The following FBXO5 variants were observed in gnomAD, a reference collection of about 807,000 sequenced individuals.
FBXO5 encodes F-box only protein 5.
Under a neutral mutation model 43.3 loss-of-function variants are expected in FBXO5, and 8 were observed. The observed-to-expected ratio is 0.18, with a 90% CI of 0.11 to 0.33. The LOEUF (loss-of-function observed/expected upper bound fraction) is 0.33. Ranked by LOEUF, FBXO5 falls within the 10% of genes least tolerant of loss-of-function variation. The pLI is 1.00. For synonymous variants in FBXO5, 204 were observed against 193.7 expected, an observed-to-expected ratio of 1.05 and a Z score of -0.44; for missense variants, 491 against 535.7, an observed-to-expected ratio of 0.92 and a Z score of 0.82.
At chr6:152,983,190 C>G (rs1292595937), upstream of FBXO5, 2 of 392,474 alleles carry the variant, frequency 5.1e-6, no homozygotes, top group Non-Finnish European at 9.1e-6. Flanking sequence ...TGGAGGCTGC[C>G]GAGGCGGGGC....
rs771558980 is a variant in FBXO5, at chr6:152,982,881, C to A, written c.79G>T (p.Ala27Ser). The change falls in exon 1 of 5, where the codon GCC (alanine) becomes TCC (serine). Residue 27 changes from alanine (A) to serine (S), a missense_variant. Transcript: ENST00000229758. ...CSASPSAVTA[A>S]GRPRPSDSCK... ...CTATCCGAGGGTCGAGGGCGCCCGG[C>A]GGCTGTCACTGCGCTGGGGCTGGCG... The A allele has an allele frequency of 2.2e-5, 33 of 1,511,998 alleles. No homozygotes were observed. In the South Asian group the frequency reaches 3.0e-4, roughly 14 times the overall value. 93.7% of individuals were successfully genotyped at this position (1,511,998 alleles called of 1,614,324 possible).
chr6:152,979,157 G>A (rs554753194), intron 1 of FBXO5, among the ~76,000 whole-genome samples: 2 of 152,196 alleles, frequency 1.3e-5, no homozygotes, highest in South Asian at 2.1e-4. Flanking sequence ...AACCAATATT[G>A]TTGCATTATT....
intron 1 of FBXO5, among the ~76,000 whole-genome samples, chr6:152,980,199 C>A (rs961567820): frequency 3.9e-5 from 6 of 152,166 alleles, no homozygotes; most frequent in African/African-American, 1.4e-4. Context: ...GGCTTCATAA[C>A]CTCTTGAATG....
intron 1 of FBXO5, among the ~76,000 whole-genome samples, chr6:152,980,775 AC>A (rs1381748317): frequency 6.6e-6 from 1 of 152,198 alleles, no homozygotes; most frequent in African/African-American, 2.4e-5. Flanking sequence ...GTAAAAAAAC[AC>A]CCTGGGGTTT....
upstream of FBXO5, chr6:152,983,182 G>A (rs1426431905): frequency 2.5e-6 from 1 of 398,076 alleles, no homozygotes; most frequent in South Asian, 7.9e-5. Context: ...CGCCCAATTG[G>A]AGGCTGCCGA....
Position 152,972,461 on chromosome 6 carries a change from T to TA in FBXO5, c.910-8dup, listed in dbSNP as rs757400123. ...AAAATTTATTGTTGTTTTCCTAATT[T>TA]AAAAAAAAGTTTTAATAGAATTTAG... On this transcript the variant is annotated splice_region_variant and splice_polypyrimidine_tract_variant and intron_variant, in intron 3 of 4. Coordinates refer to ENST00000229758, the MANE Select transcript of FBXO5 (RefSeq NM_012177.5). The TA allele has an allele frequency of 1.7e-5, 26 of 1,560,168 alleles. No individual in the cohort carries two copies. Among genetic ancestry groups the TA allele is most frequent in the South Asian group, 6.0e-5 (5 of 82,660 alleles).
Position 152,971,041 on chromosome 6 carries a change from AC to A in FBXO5, c.*121del. 9.8e-6 allele frequency: 9 copies of A among 916,000 alleles called. No individual in the cohort carries two copies. Among genetic ancestry groups the A allele is most frequent in the Non-Finnish European group, 1.4e-5 (9 of 647,438 alleles). 56.7% of individuals were successfully genotyped at this position (916,000 alleles called of 1,614,324 possible). On this transcript the variant is annotated 3_prime_UTR_variant, in exon 5 of 5. Transcript: ENST00000229758. ...CTCTTTATCTTCTGGGGGGAAAAAA[AC>A]CTCAGGATACTACACCGATTTCAAC... is the stretch of plus-strand genomic sequence containing the variant.
chr6:152,977,720 A>G (rs1170181507), intron 1 of FBXO5, among the ~76,000 whole-genome samples: 1 of 152,212 alleles, frequency 6.6e-6, no homozygotes, highest in African/African-American at 2.4e-5. Context: ...TTTACATGAC[A>G]GGATAAAAAA....
rs1778070473 is a variant in FBXO5, at chr6:152,970,568, T to C, written c.*595A>G. On this transcript the variant is annotated 3_prime_UTR_variant, in exon 5 of 5. Transcript: ENST00000229758. ...AGCAAAATTTATTTTTATATGTACA[T>C]ACAAGAGACATATTCTTTGACATAT... 6.6e-6 allele frequency: 1 copy of C among 152,222 alleles called. No homozygotes were observed. The highest frequency in any genetic ancestry group is 1.5e-5 in the Non-Finnish European group (1 of 68,056). The allele number at this position is 152,222 out of a possible 1,614,324, so 9.4% of individuals were successfully genotyped here. A position where few individuals can be genotyped will look rare whatever the true frequency, so the allele number is the denominator to read the frequency against.
rs1362383132 is a variant in FBXO5, at chr6:152,975,346, GTGTC to G, written c.375_378del (p.Gln125HisfsTer8). 1.2e-6 allele frequency: 2 copies of G among 1,614,134 alleles called. No individual in the cohort carries two copies. On this transcript the variant is annotated frameshift_variant, in exon 2 of 5. Coordinates refer to ENST00000229758, the MANE Select transcript of FBXO5 (RefSeq NM_012177.5). LOFTEE classifies it high-confidence loss of function. ...GCTTCTATTTCATTTGTACTATTAA[GTGTC>G]TGTTGCACATGTTGATTTTCCTTGT...
chr6:152,979,649 C>T (rs977015684), intron 1 of FBXO5, among the ~76,000 whole-genome samples: 3 of 152,190 alleles, frequency 2.0e-5, no homozygotes, highest in African/African-American at 7.2e-5. Context: ...CCTATTTATT[C>T]ATACTACCAA....
At chr6:152,983,281 G>A (rs1275970564), upstream of FBXO5, 3 of 271,094 alleles carry the variant, frequency 1.1e-5, no homozygotes, top group African/African-American at 6.6e-5. Context: ...CGGGACCTCC[G>A]AGCACGGGGA....
At chr6:152,983,287 G>T (rs142346696), upstream of FBXO5, 378 of 262,832 alleles carry the variant, frequency 1.4e-3, 2 homozygotes, top group African/African-American at 7.3e-3. Context: ...CTCCGAGCAC[G>T]GGGAGGCCGC....
chr6:152,983,003 G>T lies in FBXO5; in HGVS notation c.-44C>A. Reference sequence around the variant, plus strand: ...TGCCTCAGGTGGAGGAACCGCTCCGGGGGCAGCTGAGCAACCTGCCTGCTT... The same window carrying T: ...TGCCTCAGGTGGAGGAACCGCTCCGTGGGCAGCTGAGCAACCTGCCTGCTT... On this transcript the variant is annotated 5_prime_UTR_variant, in exon 1 of 5. Coordinates refer to ENST00000229758, the MANE Select transcript of FBXO5 (RefSeq NM_012177.5). 7.9e-7 allele frequency: 1 copy of T among 1,260,326 alleles called. No individual in the cohort carries two copies. The highest frequency in any genetic ancestry group is 1.0e-6 in the Non-Finnish European group (1 of 972,304). 78.1% of individuals were successfully genotyped at this position (1,260,326 alleles called of 1,614,324 possible). A position where few individuals can be genotyped will look rare whatever the true frequency, so the allele number is the denominator to read the frequency against.
intron 1 of FBXO5, among the ~76,000 whole-genome samples, chr6:152,982,127 G>A (rs1055832475): frequency 5.3e-5 from 8 of 152,190 alleles, no homozygotes; most frequent in African/African-American, 9.6e-5. Context: ...CGGGCAAAGG[G>A]AGAAAAAATT....
At chr6:152,982,623 G>A (rs11961379) in intron 1 of FBXO5, among the ~76,000 whole-genome samples, 50,973 of 151,900 alleles carry the variant, frequency 0.34, 8,986 homozygotes, top group African/African-American at 0.45. Flanking sequence ...GTGGGTGGCG[G>A]GACCCCGCGG....
intron 1 of FBXO5, among the ~76,000 whole-genome samples, chr6:152,981,577 T>C (rs1778259189): frequency 6.6e-6 from 1 of 151,738 alleles, no homozygotes; most frequent in Admixed American, 6.6e-5. Context: ...TCCTCAAACC[T>C]GTAAACTGGG....
At chr6:152,978,655 T>C (rs1190182010) in intron 1 of FBXO5, among the ~76,000 whole-genome samples, 3 of 152,104 alleles carry the variant, frequency 2.0e-5, no homozygotes, top group Non-Finnish European at 4.4e-5. Flanking sequence ...GACTACCACG[T>C]TCCTCTTGCA....
chr6:152,978,289 T>A (rs955132924), intron 1 of FBXO5, among the ~76,000 whole-genome samples: 1 of 149,930 alleles, frequency 6.7e-6, no homozygotes, highest in African/African-American at 2.5e-5. Context: ...AGGGGCTTTG[T>A]ACATCATGCC....
Sources: allele counts gnomAD v4.1 joint callset (sites outside exome capture counted in the v4.1 genomes callset), GRCh38; gene constraint gnomAD v4.1.1; transcripts MANE v1.5; gene names NCBI Gene and HGNC (gene_info 2026-07-23, HGNC 2026-07-21).